TENM3: variants seen among roughly 807,000 people sequenced by gnomAD.
TENM3 encodes the protein teneurin-3.
Under a neutral mutation model 255.1 loss-of-function variants are expected in TENM3, and 63 were observed. The ratio of observed to expected loss-of-function variants is 0.25; its 90% CI spans 0.20 to 0.30. The LOEUF (loss-of-function observed/expected upper bound fraction) is 0.30. TENM3 is among the 10% of genes least tolerant of loss of function. TENM3 has a pLI of 1.00. For synonymous variants in TENM3, 1,306 were observed against 1,322.3 expected (o/e 0.99, Z 0.27); for missense variants, 2,929 against 3,461.1 (o/e 0.85, Z 3.86).
intron 3 of TENM3, chr4:182,349,866 A>G (rs776849852): frequency 1.9e-5 from 7 of 372,386 alleles, no homozygotes; most frequent in African/African-American, 6.5e-5. Flanking sequence ...TGGAAGTTCT[A>G]TTGTATCACT....
At chr4:182,023,801 T>A in the TENM3 span, among the ~76,000 whole-genome samples, 9 of 152,328 alleles carry the variant, frequency 5.9e-5, no homozygotes, top group African/African-American at 2.2e-4. Flanking sequence ...AGTAGGGTAA[T>A]ATATCATCTG....
chr4:182,559,019 G>T (rs1192256962), intron 3 of TENM3, among the ~76,000 whole-genome samples: 1 of 152,030 alleles, frequency 6.6e-6, no homozygotes, highest in African/African-American at 2.4e-5. Context: ...TAATTTTCCA[G>T]GGTGTCAGCT....
At chr4:182,213,203 G>T (rs187304209) in intron 1 of TENM3, among the ~76,000 whole-genome samples, 27 of 152,336 alleles carry the variant, frequency 1.8e-4, no homozygotes, top group Middle Eastern at 3.4e-3. Context: ...ATCAAGTAAT[G>T]AATAAGGCAG....
intron 3 of TENM3, among the ~76,000 whole-genome samples, chr4:182,426,303 G>A (rs1035731972): frequency 6.6e-6 from 1 of 152,072 alleles, no homozygotes; most frequent in African/African-American, 2.4e-5. Flanking sequence ...TGAGAATGTA[G>A]TATTCTATCT....
chr4:182,755,759 G>T (rs1178283480), intron 22 of TENM3, among the ~76,000 whole-genome samples: 1 of 152,036 alleles, frequency 6.6e-6, no homozygotes, highest in Admixed American at 6.5e-5. Context: ...AGAATGGCGT[G>T]AACCCGGGAG....
chr4:181,576,811 C>CTTTTTTTTTTTTTTTT, the TENM3 span, among the ~76,000 whole-genome samples: 3 of 123,984 alleles, frequency 2.4e-5, no homozygotes, highest in South Asian at 2.6e-4. Flanking sequence ...TCTTTCTTTT[C>CTTTTTTTTTTTTTTTT]TTTTTTTTTT....
chr4:182,127,948 G>C, the TENM3 span, among the ~76,000 whole-genome samples: 4 of 152,000 alleles, frequency 2.6e-5, no homozygotes, highest in South Asian at 4.2e-4. Context: ...AATTCAGCAG[G>C]ATGTGTATAA....
At chr4:182,368,427 A>G (rs1398361513) in intron 3 of TENM3, among the ~76,000 whole-genome samples, 1 of 152,202 alleles carries the variant, frequency 6.6e-6, no homozygotes, top group Admixed American at 6.5e-5. Flanking sequence ...AAGACAGGCT[A>G]AGAATCCAGT....
chr4:181,775,278 C>A, the TENM3 span, among the ~76,000 whole-genome samples: 4 of 152,082 alleles, frequency 2.6e-5, no homozygotes, highest in Non-Finnish European at 5.9e-5. Context: ...TTATTAAATT[C>A]TTTTTAGTAA....
At chr4:181,696,586 A>C in the TENM3 span, among the ~76,000 whole-genome samples, 1 of 152,214 alleles carries the variant, frequency 6.6e-6, no homozygotes, top group South Asian at 2.1e-4. Flanking sequence ...ATACATTTCT[A>C]ATAAATATCT....
At chr4:182,128,203 T>C in the TENM3 span, among the ~76,000 whole-genome samples, 1 of 152,156 alleles carries the variant, frequency 6.6e-6, no homozygotes, top group African/African-American at 2.4e-5. Context: ...TGGTAATCCA[T>C]TTTCCAATTT....
chr4:182,147,733 G>C (rs566641001), intron 1 of TENM3, among the ~76,000 whole-genome samples: 1 of 152,034 alleles, frequency 6.6e-6, no homozygotes, highest in African/African-American at 2.4e-5. Context: ...GCCACCAAAC[G>C]TTTACCGTGG....
intron 1 of TENM3, among the ~76,000 whole-genome samples, chr4:182,249,764 T>TA (rs1757875964): frequency 6.6e-6 from 1 of 152,104 alleles, no homozygotes; most frequent in African/African-American, 2.4e-5. Context: ...TTTTATTTTT[T>TA]ATTTATTTAG....
the TENM3 span, among the ~76,000 whole-genome samples, chr4:181,633,232 T>G: frequency 2.0e-5 from 3 of 152,196 alleles, no homozygotes; most frequent in Non-Finnish European, 4.4e-5. Context: ...GTTGATTTGT[T>G]GATCAGTATT....
At chr4:181,942,287 T>C in the TENM3 span, among the ~76,000 whole-genome samples, 1 of 110,682 alleles carries the variant, frequency 9.0e-6, no homozygotes, top group East Asian at 3.0e-4. Context: ...TTTTTTTTTT[T>C]CAATTTTTCA....
the TENM3 span, among the ~76,000 whole-genome samples, chr4:182,119,010 G>A: frequency 2.0e-5 from 3 of 152,238 alleles, no homozygotes; most frequent in East Asian, 1.9e-4. Context: ...GAAGCATTCC[G>A]TAGTCCCATG....
chr4:182,432,739 G>A (rs1321822143), intron 3 of TENM3, among the ~76,000 whole-genome samples: 4 of 152,150 alleles, frequency 2.6e-5, no homozygotes, highest in African/African-American at 9.7e-5. Context: ...TGCAAGGAGA[G>A]GCGAGGCCAC....
chr4:181,882,814 T>C, the TENM3 span, among the ~76,000 whole-genome samples: 6 of 152,166 alleles, frequency 3.9e-5, no homozygotes, highest in Admixed American at 6.5e-5. Context: ...GTTTTGAACA[T>C]TGGAAATGGG....
At chr4:181,493,438 TA>T in the TENM3 span, among the ~76,000 whole-genome samples, 1 of 152,014 alleles carries the variant, frequency 6.6e-6, no homozygotes, top group African/African-American at 2.4e-5. Flanking sequence ...GGTTTAAGGT[TA>T]TAGAGGTACG....
Sources: allele counts gnomAD v4.1 joint callset (sites outside exome capture counted in the v4.1 genomes callset), GRCh38; gene constraint gnomAD v4.1.1; transcripts MANE v1.5; gene names NCBI Gene and HGNC (gene_info 2026-07-23, HGNC 2026-07-21).